The following RFTN2 variants were observed in gnomAD, a reference collection of about 807,000 sequenced individuals.
The protein encoded by RFTN2 is raftlin family member 2.
A neutral mutation model predicts 52.7 loss-of-function variants in RFTN2; 34 were observed. The ratio of observed to expected loss-of-function variants is 0.64; its 90% CI spans 0.49 to 0.86. The LOEUF (loss-of-function observed/expected upper bound fraction) is 0.86, where lower values mean the gene tolerates loss of function less well. RFTN2 is among the 40% of genes least tolerant of loss of function. The pLI, the probability that RFTN2 is intolerant of heterozygous loss-of-function variation, is 0.00. For synonymous variants in RFTN2, 203 were observed against 217.7 expected (o/e 0.93, Z 0.59); for missense variants, 536 against 600.1 (o/e 0.89, Z 1.12).
rs1190329666 is a variant in RFTN2, at chr2:197,635,765, T to G, written c.439-1768A>C. On this transcript the variant is annotated intron_variant, in intron 3 of 8. Transcript: ENST00000295049. ...AATTAGATCCCATTTGTCAATTTTG[T>G]CTTTTGTTGCCATTGCTTTTGGTGT... Among the ~76,000 whole-genome samples, 18 of 146,730 alleles carry G rather than the reference T, an allele frequency of 1.2e-4. No homozygotes were observed. The East Asian group carries it at 2.2e-3, about 18-fold the overall frequency.
chr2:197,590,195 G>A (rs533942700), intron 8 of RFTN2, among the ~76,000 whole-genome samples: 93 of 152,146 alleles, frequency 6.1e-4, no homozygotes, highest in Middle Eastern at 3.4e-3. Flanking sequence ...GTGAGCCACC[G>A]CACCTGGCCC....
At chr2:197,612,753 T>C (rs1248490586) in intron 7 of RFTN2, among the ~76,000 whole-genome samples, 1 of 152,216 alleles carries the variant, frequency 6.6e-6, no homozygotes, top group Admixed American at 6.5e-5. Flanking sequence ...CTAGGGTAAT[T>C]GAAGCAACAA....
intron 8 of RFTN2, among the ~76,000 whole-genome samples, chr2:197,575,431 G>T (rs2087395604): frequency 6.6e-6 from 1 of 152,198 alleles, no homozygotes; most frequent in East Asian, 1.9e-4. Context: ...TTGTCCTGCT[G>T]CAAACTGCTT....
chr2:197,628,349 G>T (rs2088403644), intron 5 of RFTN2, among the ~76,000 whole-genome samples: 1 of 152,000 alleles, frequency 6.6e-6, no homozygotes, highest in Non-Finnish European at 1.5e-5. Context: ...CCCCGTCTCC[G>T]TGACCCCCTC....
chr2:197,675,367 T>C lies in RFTN2; in HGVS notation c.92A>G (p.Lys31Arg). The C allele has an allele frequency of 6.2e-7, 1 of 1,604,672 alleles. No individual in the cohort carries two copies. Among genetic ancestry groups the C allele is most frequent in the Non-Finnish European group, 8.5e-7 (1 of 1,175,722 alleles). The change falls in exon 1 of 9, where the codon AAG becomes AGG. Residue 31 changes from lysine to arginine, a missense_variant. Lys to Arg is a conservative substitution (Grantham distance 26). Coordinates refer to ENST00000295049, the MANE Select transcript of RFTN2 (RefSeq NM_144629.3). The stretch of plus-strand genomic sequence containing the variant: ...TACATATTCGTAAGCAAATTCTGTC[T>C]TTGTTTCCACTTGCGGTCTCTTCAG... ...STLKRPQVET[K>R]TEFAYEYVLL...
At chr2:197,615,122 A>G (rs2088121380) in intron 7 of RFTN2, among the ~76,000 whole-genome samples, 1 of 152,176 alleles carries the variant, frequency 6.6e-6, no homozygotes, top group African/African-American at 2.4e-5. Context: ...TAAACCGGGA[A>G]GGCCAGAAAA....
intron 1 of RFTN2, among the ~76,000 whole-genome samples, chr2:197,653,964 C>T (rs886439543): frequency 1.3e-5 from 2 of 152,162 alleles, no homozygotes; most frequent in African/African-American, 2.4e-5. Flanking sequence ...TTATATCACT[C>T]ATATAACATA....
intron 7 of RFTN2, among the ~76,000 whole-genome samples, chr2:197,611,241 C>T (rs1265058073): frequency 6.6e-6 from 1 of 152,098 alleles, no homozygotes; most frequent in African/African-American, 2.4e-5. Flanking sequence ...CCGTCTGGTC[C>T]TGGACTTTTT....
At chr2:197,607,081 A>C (rs943605954) in intron 7 of RFTN2, among the ~76,000 whole-genome samples, 11 of 152,240 alleles carry the variant, frequency 7.2e-5, no homozygotes, top group Non-Finnish European at 1.2e-4. Context: ...GAACCAACCC[A>C]AATGTCCAAC....
chr2:197,605,621 C>T (rs2087949795), intron 7 of RFTN2, among the ~76,000 whole-genome samples: 1 of 152,134 alleles, frequency 6.6e-6, no homozygotes, highest in African/African-American at 2.4e-5. Flanking sequence ...CTTAAGGTTG[C>T]CAGAGAAAGC....
chr2:197,618,624 C>T (rs2088192968), intron 5 of RFTN2, among the ~76,000 whole-genome samples: 1 of 151,436 alleles, frequency 6.6e-6, no homozygotes, highest in Admixed American at 6.6e-5. Context: ...CGGCCACCAT[C>T]CCATCTAGGA....
At chr2:197,648,361 ATCT>A (rs1389494048) in intron 1 of RFTN2, among the ~76,000 whole-genome samples, 2 of 152,240 alleles carry the variant, frequency 1.3e-5, no homozygotes, top group Admixed American at 6.5e-5. Context: ...TTTACAATAT[ATCT>A]TCTTCATCAT....
chr2:197,600,632 A>G (rs922373007), intron 7 of RFTN2, among the ~76,000 whole-genome samples: 19 of 152,298 alleles, frequency 1.2e-4, no homozygotes, highest in African/African-American at 4.1e-4. Flanking sequence ...TTGGGATAGA[A>G]TATTTTTCCC....
At chr2:197,625,663 T>TCTC (rs1559354349) in intron 5 of RFTN2, among the ~76,000 whole-genome samples, 1 of 47,382 alleles carries the variant, frequency 2.1e-5, no homozygotes, top group Non-Finnish European at 4.1e-5. Flanking sequence ...AAGAAATTCC[T>TCTC]CTCTCCTCTC....
chr2:197,663,153 GC>G (rs909768537), intron 1 of RFTN2, among the ~76,000 whole-genome samples: 2 of 152,120 alleles, frequency 1.3e-5, no homozygotes, highest in African/African-American at 4.8e-5. Context: ...TTATAGATTT[GC>G]ATAAATTAAA....
chr2:197,584,130 G>A (rs1045464484), intron 8 of RFTN2, among the ~76,000 whole-genome samples: 6 of 152,094 alleles, frequency 3.9e-5, no homozygotes, highest in African/African-American at 1.4e-4. Flanking sequence ...ATAATCCTTT[G>A]GGTATATACC....
At chr2:197,585,547 C>T (rs894734207) in intron 8 of RFTN2, among the ~76,000 whole-genome samples, 1 of 152,132 alleles carries the variant, frequency 6.6e-6, no homozygotes, top group Non-Finnish European at 1.5e-5. Context: ...ATTCTCATTC[C>T]CATTCTTATG....
rs1434621910 is a variant in RFTN2 at position 197,569,477 on chromosome 2, C to T, written c.*2531G>A. On this transcript the variant is annotated 3_prime_UTR_variant, in exon 9 of 9. Coordinates refer to ENST00000295049, the MANE Select transcript of RFTN2 (RefSeq NM_144629.3). ...GCTATCATACAAATTCATCACATAACTTAAGGGTAATTGTTGGAGCAAATG... is the reference window on the plus strand; with the variant it reads ...GCTATCATACAAATTCATCACATAATTTAAGGGTAATTGTTGGAGCAAATG... 1 of 152,018 alleles carries T rather than the reference C, an allele frequency of 6.6e-6. No homozygotes were observed. Among genetic ancestry groups the T allele is most frequent in the African/African-American group, 2.4e-5 (1 of 41,336 alleles). The allele number at this position is 152,018 out of a possible 1,614,324, so 9.4% of individuals were successfully genotyped here.
chr2:197,632,290 C>T (rs1445064082), intron 4 of RFTN2, among the ~76,000 whole-genome samples: 1 of 152,120 alleles, frequency 6.6e-6, no homozygotes, highest in Non-Finnish European at 1.5e-5. Flanking sequence ...TCCCATAATC[C>T]CCACATGTTG....
Sources: gnomAD v4.1 joint callset for allele counts (sites outside exome capture counted in the v4.1 genomes callset) on GRCh38, gnomAD v4.1.1 for gene constraint, MANE v1.5 for transcripts, NCBI Gene and HGNC (gene_info 2026-07-23, HGNC 2026-07-21) for gene names.